The following CIB4 variants were observed in gnomAD, a reference collection of about 807,000 sequenced individuals.
CIB4 encodes calcium and integrin-binding family member 4.
In CIB4, 25 loss-of-function variants were observed where a neutral mutation model predicts 25.8. That is an observed-to-expected ratio of 0.97 (90% CI 0.71 to 1.35). The LOEUF (loss-of-function observed/expected upper bound fraction) is 1.35. CIB4 is among the 40% of genes most tolerant of loss of function. The pLI, the probability that CIB4 is intolerant of heterozygous loss-of-function variation, is 0.00. For missense variants in CIB4, 235 were observed against 228.2 expected, an observed-to-expected ratio of 1.03 and a Z score of -0.19; for synonymous variants, 75 against 81.4, an observed-to-expected ratio of 0.92 and a Z score of 0.42.
At chr2:26,582,943 T>G in intron 5 of CIB4, 30 bp from the exon 6 acceptor site, 1 of 1,493,994 alleles carries the variant, frequency 6.7e-7, no homozygotes, top group Non-Finnish European at 9.3e-7. Context: ...GACAGTTGAG[T>G]GGAACCCCAT....
intron 4 of CIB4, among the ~76,000 whole-genome samples, chr2:26,586,630 C>T (rs565362825): frequency 8.5e-5 from 13 of 152,300 alleles, no homozygotes; most frequent in East Asian, 3.9e-4. Context: ...GAATAAATAA[C>T]GAATGAACTA....
chr2:26,593,510 CCTGA>C (rs1224206485), intron 4 of CIB4, among the ~76,000 whole-genome samples: 3 of 151,938 alleles, frequency 2.0e-5, no homozygotes, highest in Non-Finnish European at 4.4e-5. Context: ...TCTGCAGAAT[CCTGA>C]CTAATACAGT....
Position 26,627,402 on chromosome 2 carries a change from T to C in CIB4, c.186+2008A>G, listed in dbSNP as rs1669330438. ...TTGACAGTGACTAGACTGGGTGGTC[T>C]CTAAGTTTCTTTCCAGTCGTAGCAT... On this transcript the variant is annotated intron_variant, in intron 3 of 6. Coordinates refer to ENST00000288861, the MANE Select transcript of CIB4 (RefSeq NM_001029881.3). This position sits in a 1 kb window ranked among gnomAD's most constrained non-coding sequence, Gnocchi z 4.0. Among the ~76,000 whole-genome samples, 1 of 152,200 alleles carries C rather than the reference T, an allele frequency of 6.6e-6. No homozygotes were observed. The highest frequency in any genetic ancestry group is 6.5e-5 in the Admixed American group (1 of 15,292).
At chr2:26,607,160 T>C (rs1668904880) in intron 3 of CIB4, among the ~76,000 whole-genome samples, 1 of 151,982 alleles carries the variant, frequency 6.6e-6, no homozygotes, top group Non-Finnish European at 1.5e-5. Flanking sequence ...TGGTCTTGCG[T>C]TGTGGGAGAT....
chr2:26,624,620 AT>A (rs1178687201), intron 3 of CIB4, among the ~76,000 whole-genome samples: 4 of 151,374 alleles, frequency 2.6e-5, no homozygotes, highest in East Asian at 3.9e-4. Context: ...TGGATGACAT[AT>A]TTTTTTTAAT....
rs1668508211 is a variant in CIB4, at chr2:26,588,978, T to TTTCTTCTTCTTCTCCTCCTTC, written c.329-5081_329-5080insGAAGGAGGAGAAGAAGAAGAA. Among the ~76,000 whole-genome samples the TTTCTTCTTCTTCTCCTCCTTC allele has an allele frequency of 2.9e-5, 2 of 69,890 alleles. 1 individual carries two copies. The highest frequency in any genetic ancestry group is 1.1e-4 in the African/African-American group (2 of 18,328). 45.9% of individuals were successfully genotyped at this position (69,890 alleles called of 152,430 possible). On this transcript the variant is annotated intron_variant, in intron 4 of 6. Transcript: ENST00000288861. Reference sequence around the variant, plus strand: ...CTGCTGCCGCTGCTGCCGCTTCTTCTTTCTTCTTCTTCTTCTTCTTCTTCT... The same window carrying TTTCTTCTTCTTCTCCTCCTTC: ...CTGCTGCCGCTGCTGCCGCTTCTTCTTTCTTCTTCTTCTCCTCCTTCTTCTTCTTCTTCTTCTTCTTCTTCT...
At chr2:26,586,807 C>T (rs1262371816) in intron 4 of CIB4, among the ~76,000 whole-genome samples, 1 of 152,158 alleles carries the variant, frequency 6.6e-6, no homozygotes, top group Non-Finnish European at 1.5e-5. Context: ...TGCCAGCCTC[C>T]GTTGCTGCTA....
chr2:26,583,465 A>G (rs149453214), intron 5 of CIB4, among the ~76,000 whole-genome samples: 8 of 152,270 alleles, frequency 5.3e-5, no homozygotes, highest in African/African-American at 1.7e-4. Context: ...TGGCCCACCA[A>G]TGGCAGTCCC....
At chr2:26,587,579 T>C (rs1016748000) in intron 4 of CIB4, among the ~76,000 whole-genome samples, 14 of 152,074 alleles carry the variant, frequency 9.2e-5, no homozygotes, top group African/African-American at 3.4e-4. Context: ...ACCTGGAATA[T>C]AGAAGATATT....
At chr2:26,598,170 C>T (rs867467864) in intron 3 of CIB4, among the ~76,000 whole-genome samples, 4 of 151,746 alleles carry the variant, frequency 2.6e-5, no homozygotes, top group East Asian at 1.9e-4. Context: ...CGTGATGGTG[C>T]GTGCCTGCAG....
In CIB4 at chr2:26,584,878, G is replaced by A. The variant is rs193203864; in HGVS notation, c.329-980C>T. Among the ~76,000 whole-genome samples the A allele has an allele frequency of 7.4e-4, 112 of 152,268 alleles. 2 individuals are homozygous for A. Among genetic ancestry groups the A allele is most frequent in the East Asian group, 7.0e-3 (36 of 5,160 alleles). On this transcript the variant is annotated intron_variant, in intron 4 of 6. Coordinates refer to ENST00000288861, the MANE Select transcript of CIB4 (RefSeq NM_001029881.3). ...TTCTGGGGGCCGCACTGACTCCCGT[G>A]TGTGCCGGCTGCTAGTTCCTCAACT...
At chr2:26,605,248 T>C (rs1231285054) in intron 3 of CIB4, among the ~76,000 whole-genome samples, 2 of 152,142 alleles carry the variant, frequency 1.3e-5, no homozygotes, top group African/African-American at 4.8e-5. Context: ...TACATGGAAA[T>C]TAATAGCATT....
intron 4 of CIB4, among the ~76,000 whole-genome samples, chr2:26,586,029 C>T (rs936525583): frequency 1.3e-5 from 2 of 152,174 alleles, no homozygotes; most frequent in East Asian, 1.9e-4. Context: ...CCCAGCTCCC[C>T]GCACTTCCCA....
rs573064453 is a variant in CIB4, at chr2:26,623,672, A to C, written c.186+5738T>G. The C allele has an allele frequency of 7.0e-4, 289 of 414,228 alleles. 1 individual carries two copies. Among genetic ancestry groups the C allele is most frequent in the African/African-American group, 5.5e-3 (270 of 48,808 alleles). The allele number at this position is 414,228 out of a possible 1,614,324, so 25.7% of individuals were successfully genotyped here. ...TGTAACAGATGGAATAAAATGTAGCAGGGGCGGGTCTATGCGAAGACCATC... is the reference window on the plus strand; with the variant it reads ...TGTAACAGATGGAATAAAATGTAGCCGGGGCGGGTCTATGCGAAGACCATC... On this transcript the variant is annotated intron_variant, in intron 3 of 6. Transcript: ENST00000288861.
At chr2:26,598,787 C>G (rs1410783129) in intron 3 of CIB4, among the ~76,000 whole-genome samples, 1 of 152,170 alleles carries the variant, frequency 6.6e-6, no homozygotes, top group Non-Finnish European at 1.5e-5. Context: ...CAGAGCAGCT[C>G]CAGTCAAAGG....
chr2:26,622,735 C>A (rs1669229144), intron 3 of CIB4, among the ~76,000 whole-genome samples: 1 of 152,166 alleles, frequency 6.6e-6, no homozygotes, highest in Admixed American at 6.5e-5. Context: ...GTAATCCCAG[C>A]ATTTTGGGAG....
chr2:26,582,987 G>A, intron 5 of CIB4, 74 bp from the exon 6 acceptor site: 3 of 992,630 alleles, frequency 3.0e-6, no homozygotes, highest in East Asian at 2.4e-5. Flanking sequence ...GGGTGGAGGG[G>A]GAAAGCCACA....
rs1296856253 is a variant in CIB4 at position 26,608,226 on chromosome 2, T to G, written c.187-12909A>C. Among the ~76,000 whole-genome samples, 80 of 124,044 alleles carry G rather than the reference T, an allele frequency of 6.4e-4. 3 individuals are homozygous for G. Among genetic ancestry groups the G allele is most frequent in the Non-Finnish European group, 1.9e-4 (11 of 59,406 alleles). The allele number at this position is 124,044 out of a possible 152,430, so 81.4% of individuals were successfully genotyped here. On this transcript the variant is annotated intron_variant, in intron 3 of 6. Coordinates refer to ENST00000288861, the MANE Select transcript of CIB4 (RefSeq NM_001029881.3). The stretch of plus-strand genomic sequence containing the variant: ...CTGCACTCCAGCCTGGGCAACAGAG[T>G]TAGACTCTGTCTCAAAAAAAAAAAA...
chr2:26,634,940 C>T (rs964890442), intron 2 of CIB4, among the ~76,000 whole-genome samples: 37 of 152,224 alleles, frequency 2.4e-4, no homozygotes, highest in Admixed American at 2.4e-3. Context: ...GGCTGACCTG[C>T]GCCTGAGACA....
Sources: allele counts gnomAD v4.1 joint callset (sites outside exome capture counted in the v4.1 genomes callset), GRCh38; gene constraint gnomAD v4.1.1; non-coding constraint Gnocchi (gnomAD v3.1); transcripts MANE v1.5; gene names NCBI Gene and HGNC (gene_info 2026-07-23, HGNC 2026-07-21).